The following DLC1 variants were observed in gnomAD, a reference collection of about 807,000 sequenced individuals.
DLC1 encodes the protein rho GTPase-activating protein 7.
A neutral mutation model predicts 140.3 loss-of-function variants in DLC1; 54 were observed. That is an observed-to-expected ratio of 0.38 (90% CI 0.31 to 0.48). The LOEUF (loss-of-function observed/expected upper bound fraction) is 0.48. Ranked by LOEUF, DLC1 falls within the 20% of genes least tolerant of loss-of-function variation. DLC1 has a pLI of 0.96. For missense variants in DLC1, 2,536 were observed against 1,907.0 expected, an observed-to-expected ratio of 1.33 and a Z score of -6.14; for synonymous variants, 986 against 728.1, an observed-to-expected ratio of 1.35 and a Z score of -5.70.
rs545687771 is a variant in DLC1 at position 13,257,117 on chromosome 8, A to T, written c.1348+48152T>A. Among the ~76,000 whole-genome samples the T allele has an allele frequency of 3.9e-5, 6 of 152,204 alleles. 1 individual carries two copies. The South Asian group carries it at 8.3e-4, about 21-fold the overall frequency. On this transcript the variant is annotated intron_variant, in intron 5 of 17. Transcript: ENST00000276297. The stretch of plus-strand genomic sequence containing the variant: ...AAACTTCTGTAGCACTGCAATCAGG[A>T]TGCCACAAATAGTTGTCCATGGTGG...
chr8:13,152,940 C>A (rs1823942130), intron 5 of DLC1, among the ~76,000 whole-genome samples: 1 of 150,848 alleles, frequency 6.6e-6, no homozygotes, highest in Non-Finnish European at 1.5e-5. Context: ...CTTAATGAAA[C>A]TTTGTAACTA....
At chr8:13,255,075 C>G (rs545830050) in intron 5 of DLC1, among the ~76,000 whole-genome samples, 1 of 151,902 alleles carries the variant, frequency 6.6e-6, no homozygotes, top group Non-Finnish European at 1.5e-5. Flanking sequence ...CTCCTGGGTT[C>G]AAGTGATTCT....
At position 13,311,903 on chromosome 8, in the gene DLC1, G is replaced by T. The variant is rs191761418; in HGVS notation, c.1315-6601C>A. 3.3e-5 allele frequency among the ~76,000 whole-genome samples: 5 copies of T among 152,206 alleles called. No individual in the cohort carries two copies. The East Asian group carries it at 9.7e-4, about 29-fold the overall frequency. On this transcript the variant is annotated intron_variant, in intron 4 of 17. Coordinates refer to ENST00000276297, the MANE Select transcript of DLC1 (RefSeq NM_182643.3). ...AACACTGACATTTAATGTATTTAAA[G>T]CTGGTGACTCTGTCTTCAACAAATC... is the stretch of plus-strand genomic sequence containing the variant.
At chr8:13,598,879 T>G (rs1445178189) in intron 1 of DLC1, among the ~76,000 whole-genome samples, 1 of 151,900 alleles carries the variant, frequency 6.6e-6, no homozygotes, top group African/African-American at 2.4e-5. Context: ...TGTTGAGTCA[T>G]GTTAAAATGT....
At chr8:13,171,003 CATGTT>C (rs1320154620) in intron 5 of DLC1, among the ~76,000 whole-genome samples, 1 of 152,242 alleles carries the variant, frequency 6.6e-6, no homozygotes, top group South Asian at 2.1e-4. Flanking sequence ...AACTATAACT[CATGTT>C]ATGTTTACTG....
At chr8:13,185,456 C>T (rs1280325026) in intron 5 of DLC1, among the ~76,000 whole-genome samples, 21 of 151,744 alleles carry the variant, frequency 1.4e-4, no homozygotes, top group African/African-American at 3.9e-4. Context: ...TACAGGCGCC[C>T]GCCACCACGC....
At chr8:13,588,605 TAA>T (rs990521420) in intron 1 of DLC1, among the ~76,000 whole-genome samples, 1 of 152,082 alleles carries the variant, frequency 6.6e-6, no homozygotes, top group African/African-American at 2.4e-5. Context: ...GTATATTCCA[TAA>T]AAGTGACAGA....
intron 1 of DLC1, among the ~76,000 whole-genome samples, chr8:13,582,253 TG>T (rs1805129200): frequency 6.6e-6 from 1 of 152,234 alleles, no homozygotes; most frequent in Non-Finnish European, 1.5e-5. Context: ...TGAAACATTT[TG>T]CATACACTCT....
intron 4 of DLC1, among the ~76,000 whole-genome samples, chr8:13,336,795 T>G (rs1275963720): frequency 1.3e-5 from 2 of 152,218 alleles, no homozygotes; most frequent in Non-Finnish European, 2.9e-5. Context: ...ATTAATAGTA[T>G]AATGTATGCC....
intron 4 of DLC1, among the ~76,000 whole-genome samples, chr8:13,330,465 C>G (rs531656612): frequency 2.0e-5 from 3 of 152,224 alleles, no homozygotes; most frequent in Non-Finnish European, 4.4e-5. Context: ...GTCTGTTGAT[C>G]TCTGCCTCTT....
At chr8:13,441,441 A>T (rs548853762) in intron 2 of DLC1, among the ~76,000 whole-genome samples, 11 of 152,346 alleles carry the variant, frequency 7.2e-5, no homozygotes, top group Non-Finnish European at 2.9e-5. Context: ...AGACAACATG[A>T]TTGTATATCT....
intron 1 of DLC1, among the ~76,000 whole-genome samples, chr8:13,521,408 TAAA>T (rs376802924): frequency 1.5e-5 from 2 of 129,536 alleles, no homozygotes; most frequent in South Asian, 5.2e-4. Context: ...AACTTAAAAT[TAAA>T]AAAAAAAAAA....
At chr8:13,547,732 C>T (rs10503454) in intron 1 of DLC1, among the ~76,000 whole-genome samples, 42,533 of 151,898 alleles carry the variant, frequency 0.28, 6,192 homozygotes, top group Admixed American at 0.3. Flanking sequence ...CCTCTATCTG[C>T]ACTCATCTAT....
chr8:13,422,551 A>G (rs907398508), intron 2 of DLC1, among the ~76,000 whole-genome samples: 1 of 152,180 alleles, frequency 6.6e-6, no homozygotes. Flanking sequence ...TACTGCATAC[A>G]TTAGGTGACA....
At chr8:13,135,446 G>T (rs1822491358) in intron 5 of DLC1, among the ~76,000 whole-genome samples, 1 of 152,100 alleles carries the variant, frequency 6.6e-6, no homozygotes, top group African/African-American at 2.4e-5. Context: ...CTCCCAAAGT[G>T]CTGGGATAAC....
intron 1 of DLC1, among the ~76,000 whole-genome samples, chr8:13,545,870 A>G (rs1311637733): frequency 1.3e-5 from 2 of 152,134 alleles, no homozygotes; most frequent in African/African-American, 4.8e-5. Flanking sequence ...ATATTTTATG[A>G]TGATGCATAA....
At chr8:13,312,171 C>A (rs1374904752) in intron 4 of DLC1, among the ~76,000 whole-genome samples, 1 of 129,760 alleles carries the variant, frequency 7.7e-6, no homozygotes, top group African/African-American at 3.0e-5. Context: ...ACCATCCTGG[C>A]TAACACGGTG....
intron 1 of DLC1, among the ~76,000 whole-genome samples, chr8:13,569,158 G>A (rs910010997): frequency 6.6e-6 from 1 of 152,160 alleles, no homozygotes; most frequent in African/African-American, 2.4e-5. Flanking sequence ...ATTCTGAGAA[G>A]CCATTTATTA....
At chr8:13,579,680 G>T (rs998546173) in intron 1 of DLC1, among the ~76,000 whole-genome samples, 1 of 140,420 alleles carries the variant, frequency 7.1e-6, no homozygotes, top group Non-Finnish European at 1.5e-5. Flanking sequence ...ATGTATGTAT[G>T]TATATTTATA....
Sources: allele counts gnomAD v4.1 joint callset (sites outside exome capture counted in the v4.1 genomes callset), GRCh38; gene constraint gnomAD v4.1.1; transcripts MANE v1.5; gene names NCBI Gene and HGNC (gene_info 2026-07-23, HGNC 2026-07-21).